Variants in PCDH9 observed in about 807,000 individuals in gnomAD.
PCDH9 encodes protocadherin-9.
A neutral mutation model predicts 70.6 loss-of-function variants in PCDH9; 24 were observed. The observed-to-expected ratio is 0.34, with a 90% CI of 0.25 to 0.48. The LOEUF (loss-of-function observed/expected upper bound fraction) is 0.48, where lower values mean the gene tolerates loss of function less well. Ranked by LOEUF, PCDH9 falls within the 20% of genes least tolerant of loss-of-function variation. The pLI is 0.99. For missense variants in PCDH9, 1,281 were observed against 1,503.6 expected, an observed-to-expected ratio of 0.85 and a Z score of 2.45; for synonymous variants, 562 against 558.5, an observed-to-expected ratio of 1.01 and a Z score of -0.09.
chr13:66,809,962 A>G (rs930476129), intron 3 of PCDH9, among the ~76,000 whole-genome samples: 3 of 152,186 alleles, frequency 2.0e-5, no homozygotes, highest in Non-Finnish European at 4.4e-5. Flanking sequence ...GTATTGAAAA[A>G]TACACAAGAC....
chr13:67,153,144 C>A (rs1007553410), intron 2 of PCDH9, among the ~76,000 whole-genome samples: 1 of 150,738 alleles, frequency 6.6e-6, no homozygotes, highest in Non-Finnish European at 1.5e-5. Flanking sequence ...TCCTCTCTGA[C>A]TAAATTAGTT....
intron 3 of PCDH9, among the ~76,000 whole-genome samples, chr13:66,631,669 C>CA (rs1230847966): frequency 6.6e-6 from 1 of 151,876 alleles, no homozygotes; most frequent in African/African-American, 2.4e-5. Flanking sequence ...AAAAGTGTAA[C>CA]AAGAAAGGCA....
At chr13:66,760,049 A>G (rs919188416) in intron 3 of PCDH9, among the ~76,000 whole-genome samples, 1 of 151,980 alleles carries the variant, frequency 6.6e-6, no homozygotes, top group Non-Finnish European at 1.5e-5. Flanking sequence ...GAACTTCCTA[A>G]GCTTTTGTTT....
intron 4 of PCDH9, among the ~76,000 whole-genome samples, chr13:66,354,034 G>C (rs1026264470): frequency 6.6e-6 from 1 of 152,118 alleles, no homozygotes; most frequent in African/African-American, 2.4e-5. Flanking sequence ...TAGGAGCTTT[G>C]ATAATATTTT....
rs111854277 is a variant in PCDH9, at chr13:66,862,538, C to T, written c.3138+40966G>A. 2.1e-4 allele frequency among the ~76,000 whole-genome samples: 32 copies of T among 152,232 alleles called. 3 individuals carry two copies. The highest frequency in any genetic ancestry group is 7.5e-4 in the African/African-American group (31 of 41,542). ...TGTGTAGACAGCCTGCACCCCAATG[C>T]CTGTTAAATTTAAAACTCCTGCTTT... On this transcript the variant is annotated intron_variant, in intron 3 of 4. Coordinates refer to ENST00000377865, the MANE Select transcript of PCDH9 (RefSeq NM_203487.3).
At chr13:66,428,285 T>C (rs923960636) in intron 4 of PCDH9, among the ~76,000 whole-genome samples, 14 of 151,678 alleles carry the variant, frequency 9.2e-5, no homozygotes, top group African/African-American at 3.4e-4. Context: ...AGGAAAACTC[T>C]CAGATAAGTA....
chr13:67,211,417 T>A (rs949764476), intron 2 of PCDH9: 1 of 152,066 alleles, frequency 6.6e-6, no homozygotes, highest in Non-Finnish European at 1.5e-5. Flanking sequence ...TCCTAAAATA[T>A]GTTTGTACAA....
At position 66,932,886 on chromosome 13, in the gene PCDH9, T is replaced by C. The variant is rs535784158; in HGVS notation, c.3037-29281A>G. On this transcript the variant is annotated intron_variant, in intron 2 of 4. Coordinates refer to ENST00000377865, the MANE Select transcript of PCDH9 (RefSeq NM_203487.3). ...AGCAATGTGCCAAAAATGTACAAAG[T>C]AGCCAGTTGTTTAGAAAATATTAAC... 1.2e-4 allele frequency among the ~76,000 whole-genome samples: 18 copies of C among 151,180 alleles called. No homozygotes were observed. In the East Asian group the frequency reaches 2.1e-3, roughly 18 times the overall value.
intron 3 of PCDH9, among the ~76,000 whole-genome samples, chr13:66,880,622 A>C (rs1294515877): frequency 6.6e-6 from 1 of 152,182 alleles, no homozygotes; most frequent in Non-Finnish European, 1.5e-5. Flanking sequence ...TCTCAATATG[A>C]ATAATCTTAA....
intron 4 of PCDH9, among the ~76,000 whole-genome samples, chr13:66,510,869 C>T (rs577679525): frequency 2.6e-5 from 4 of 152,186 alleles, no homozygotes; most frequent in Non-Finnish European, 2.9e-5. Context: ...AGAGTAGCTA[C>T]GTTTGAATAT....
chr13:67,046,680 A>T (rs956095216), intron 2 of PCDH9, among the ~76,000 whole-genome samples: 1 of 152,106 alleles, frequency 6.6e-6, no homozygotes, highest in Non-Finnish European at 1.5e-5. Context: ...TAAAATTGGT[A>T]TATCAATGGT....
At chr13:66,349,152 C>T (rs1479119963) in intron 4 of PCDH9, among the ~76,000 whole-genome samples, 1 of 152,122 alleles carries the variant, frequency 6.6e-6, no homozygotes, top group African/African-American at 2.4e-5. Context: ...ATGAAGAAAA[C>T]ACTTCATTAC....
chr13:67,166,835 C>A (rs1364595017), intron 2 of PCDH9, among the ~76,000 whole-genome samples: 1 of 152,136 alleles, frequency 6.6e-6, no homozygotes, highest in Non-Finnish European at 1.5e-5. Flanking sequence ...AAGACCATCA[C>A]TTGTTTATCC....
chr13:66,330,639 GA>G (rs35381404), intron 4 of PCDH9, among the ~76,000 whole-genome samples: 6,265 of 147,332 alleles, frequency 0.043, 329 homozygotes, highest in African/African-American at 0.13. Flanking sequence ...CAAACTTCCA[GA>G]AAAAAAAAAA....
intron 2 of PCDH9, among the ~76,000 whole-genome samples, chr13:67,193,995 G>T (rs1345388303): frequency 6.6e-6 from 1 of 152,028 alleles, no homozygotes; most frequent in Non-Finnish European, 1.5e-5. Flanking sequence ...ATACCTATAG[G>T]TTATTTACAT....
chr13:67,130,717 CAT>C (rs1472540002), intron 2 of PCDH9, among the ~76,000 whole-genome samples: 2 of 152,150 alleles, frequency 1.3e-5, no homozygotes, highest in Admixed American at 1.3e-4. Context: ...AGAACTGCCT[CAT>C]CATAGGAACA....
At chr13:66,448,386 G>A (rs185854092) in intron 4 of PCDH9, among the ~76,000 whole-genome samples, 1 of 152,256 alleles carries the variant, frequency 6.6e-6, no homozygotes, top group Admixed American at 6.5e-5. Flanking sequence ...CATTTTAAGG[G>A]CCAGGCCCTA....
At chr13:66,930,253 T>G (rs1185228691) in intron 2 of PCDH9, among the ~76,000 whole-genome samples, 1 of 152,206 alleles carries the variant, frequency 6.6e-6, no homozygotes, top group African/African-American at 2.4e-5. Flanking sequence ...AAGATCGTTT[T>G]GTGTAATTTT....
At chr13:66,983,653 AACTTT>A (rs1395641008) in intron 2 of PCDH9, among the ~76,000 whole-genome samples, 1 of 152,130 alleles carries the variant, frequency 6.6e-6, no homozygotes. Flanking sequence ...GAAATCATAA[AACTTT>A]ACTTCATAAA....
Sources: gnomAD v4.1 joint callset for allele counts (sites outside exome capture counted in the v4.1 genomes callset) on GRCh38, gnomAD v4.1.1 for gene constraint, MANE v1.5 for transcripts, NCBI Gene and HGNC (gene_info 2026-07-23, HGNC 2026-07-21) for gene names.